The following ADAMTS16 variants were observed in gnomAD, a reference collection of about 807,000 sequenced individuals.
ADAMTS16 encodes ADAM metallopeptidase with thrombospondin type 1 motif 16.
In ADAMTS16, 94 loss-of-function variants were observed where a neutral mutation model predicts 145.8. That is an observed-to-expected ratio of 0.64 (90% CI 0.55 to 0.77). The LOEUF (loss-of-function observed/expected upper bound fraction) is 0.77, where lower values mean the gene tolerates loss of function less well. Ranked by LOEUF, ADAMTS16 falls within the 30% of genes least tolerant of loss-of-function variation. The pLI, the probability that ADAMTS16 is intolerant of heterozygous loss-of-function variation, is 0.00. For synonymous variants in ADAMTS16, 659 were observed against 604.3 expected, an observed-to-expected ratio of 1.09 and a Z score of -1.33; for missense variants, 1,585 against 1,591.5, an observed-to-expected ratio of 1.00 and a Z score of 0.07.
intron 4 of ADAMTS16, among the ~76,000 whole-genome samples, chr5:5,184,786 C>T (rs1362633852): frequency 6.6e-6 from 1 of 151,982 alleles, no homozygotes; most frequent in Non-Finnish European, 1.5e-5. Flanking sequence ...CCCGTGAGAT[C>T]ACCACCCCAC....
chr5:5,305,699 G>A (rs1044129618), intron 20 of ADAMTS16, among the ~76,000 whole-genome samples: 3 of 152,234 alleles, frequency 2.0e-5, no homozygotes, highest in African/African-American at 7.2e-5. Flanking sequence ...ACCTGGGCAG[G>A]TGTTGCCACC....
At chr5:5,318,032 C>A in intron 21 of ADAMTS16, 102 bp from the exon 22 acceptor site, 1 of 1,220,150 alleles carries the variant, frequency 8.2e-7, no homozygotes, top group South Asian at 3.1e-5. Flanking sequence ...TCTTCCCTCA[C>A]TGGCCTGCAG....
intron 3 of ADAMTS16, among the ~76,000 whole-genome samples, chr5:5,148,604 C>T (rs778533421): frequency 5.9e-5 from 9 of 152,304 alleles, no homozygotes; most frequent in Admixed American, 2.6e-4. Flanking sequence ...CTGTTGTCCA[C>T]TAATGATTGG....
At chr5:5,167,864 A>G (rs986759331) in intron 3 of ADAMTS16, among the ~76,000 whole-genome samples, 1 of 152,230 alleles carries the variant, frequency 6.6e-6, no homozygotes, top group Non-Finnish European at 1.5e-5. Context: ...TTTGATTTTA[A>G]TTTATTTAAA....
At chr5:5,294,947 C>A (rs957506767) in intron 18 of ADAMTS16, among the ~76,000 whole-genome samples, 2 of 151,914 alleles carry the variant, frequency 1.3e-5, no homozygotes, top group Non-Finnish European at 2.9e-5. Flanking sequence ...GGTGTCAATA[C>A]CAGACAGAAG....
intron 4 of ADAMTS16, 66 bp from the exon 5 acceptor site, chr5:5,185,986 C>T (rs1049715427): frequency 1.7e-5 from 24 of 1,396,832 alleles, no homozygotes; most frequent in South Asian, 1.1e-4. Context: ...TTCTCTATGA[C>T]GAGTTACGGC....
At chr5:5,283,424 G>A (rs1022975231) in intron 18 of ADAMTS16, among the ~76,000 whole-genome samples, 1 of 152,054 alleles carries the variant, frequency 6.6e-6, no homozygotes, top group Non-Finnish European at 1.5e-5. Context: ...TTTAAAGTTT[G>A]TGACAATCTG....
At chr5:5,312,452 T>TA (rs952011949) in intron 21 of ADAMTS16, among the ~76,000 whole-genome samples, 5 of 150,606 alleles carry the variant, frequency 3.3e-5, no homozygotes, top group South Asian at 2.1e-4. Context: ...GTTGTTATTT[T>TA]TTTTTTTTTT....
intron 18 of ADAMTS16, among the ~76,000 whole-genome samples, chr5:5,276,515 G>A (rs1244453944): frequency 6.6e-6 from 1 of 152,234 alleles, no homozygotes; most frequent in East Asian, 1.9e-4. Flanking sequence ...AGCGAAGTGA[G>A]CTTAAACTGA....
chr5:5,169,763 G>C (rs545840860), intron 3 of ADAMTS16, among the ~76,000 whole-genome samples: 1 of 152,224 alleles, frequency 6.6e-6, no homozygotes, highest in East Asian at 1.9e-4. Context: ...CTGCTGAGAG[G>C]GTGCTTACTG....
intron 18 of ADAMTS16, among the ~76,000 whole-genome samples, chr5:5,277,435 C>T (rs1389513211): frequency 6.6e-6 from 1 of 152,130 alleles, no homozygotes; most frequent in Non-Finnish European, 1.5e-5. Context: ...ACCAGGCTGA[C>T]CAGTGAACGC....
chr5:5,232,610 T>C, intron 12 of ADAMTS16, 94 bp downstream of exon 12: 1 of 1,489,238 alleles, frequency 6.7e-7, no homozygotes, highest in East Asian at 2.3e-5. Context: ...CTTTTTTTTT[T>C]TTTTTTTTTT....
At chr5:5,257,397 A>G (rs2964406) in intron 17 of ADAMTS16, among the ~76,000 whole-genome samples, 145,340 of 152,056 alleles carry the variant, frequency 0.96, 69,684 homozygotes, top group Non-Finnish European at 1. Flanking sequence ...CTCTGCCCCC[A>G]AGAAATCTGT....
chr5:5,270,428 A>T lies in ADAMTS16; in HGVS notation c.2789+7645A>T, dbSNP rs545337517. On this transcript the variant is annotated intron_variant, in intron 18 of 22. Transcript: ENST00000274181. Reference sequence around the variant, plus strand: ...CCCTGCCTTCCCCACTTCGGGCATGATCCAGGTCTCCTGTCTCCTAGGATA... The same window carrying T: ...CCCTGCCTTCCCCACTTCGGGCATGTTCCAGGTCTCCTGTCTCCTAGGATA... Among the ~76,000 whole-genome samples, 3 of 152,248 alleles carry T rather than the reference A, an allele frequency of 2.0e-5. No individual in the cohort carries two copies. In the South Asian group the frequency reaches 6.2e-4, roughly 32 times the overall value.
At chr5:5,192,714 C>T (rs1241913549) in intron 8 of ADAMTS16, among the ~76,000 whole-genome samples, 1 of 152,198 alleles carries the variant, frequency 6.6e-6, no homozygotes, top group Non-Finnish European at 1.5e-5. Context: ...TTTCACCTTA[C>T]ATGAAATGCT....
chr5:5,242,332 G>A, intron 17 of ADAMTS16, 141 bp downstream of exon 17: 1 of 1,205,448 alleles, frequency 8.3e-7, no homozygotes. Context: ...AAGGTGGGGA[G>A]TGGTGGTCCT....
intron 10 of ADAMTS16, among the ~76,000 whole-genome samples, chr5:5,218,445 C>T (rs972064646): frequency 2.0e-5 from 3 of 152,154 alleles, no homozygotes; most frequent in South Asian, 2.1e-4. Flanking sequence ...TCTTGGGCTC[C>T]GGCCCCACGG....
At chr5:5,263,330 G>A (rs748827655) in intron 18 of ADAMTS16, among the ~76,000 whole-genome samples, 4 of 152,218 alleles carry the variant, frequency 2.6e-5, no homozygotes, top group Non-Finnish European at 4.4e-5. Flanking sequence ...CAGGAGGTGG[G>A]GAAGGGCCCC....
At chr5:5,152,442 T>C (rs1734498918) in intron 3 of ADAMTS16, among the ~76,000 whole-genome samples, 1 of 152,348 alleles carries the variant, frequency 6.6e-6, no homozygotes, top group South Asian at 2.1e-4. Flanking sequence ...ATTCTATGTG[T>C]AGGGGCTGCT....
Sources: gnomAD v4.1 joint callset for allele counts (sites outside exome capture counted in the v4.1 genomes callset) on GRCh38, gnomAD v4.1.1 for gene constraint, MANE v1.5 for transcripts, NCBI Gene and HGNC (gene_info 2026-07-23, HGNC 2026-07-21) for gene names.